CHRM2: variants seen among roughly 807,000 people sequenced by gnomAD.
CHRM2 encodes cholinergic receptor muscarinic 2.
Under a neutral mutation model 25.0 loss-of-function variants are expected in CHRM2, and 8 were observed. The observed-to-expected ratio is 0.32, with a 90% confidence interval of 0.19 to 0.58. The LOEUF (loss-of-function observed/expected upper bound fraction) is 0.58. CHRM2 is among the 20% of genes least tolerant of loss of function. The probability of loss-of-function intolerance (pLI) is 0.88; values close to 1 mark genes in which losing one functional copy is unlikely to be tolerated. For missense variants in CHRM2, 440 were observed against 567.1 expected (o/e 0.78, Z 2.28); for synonymous variants, 202 against 205.7 (o/e 0.98, Z 0.15).
At chr7:137,002,176 T>C (rs187759401) in intron 3 of CHRM2, among the ~76,000 whole-genome samples, 5 of 152,274 alleles carry the variant, frequency 3.3e-5, no homozygotes, top group African/African-American at 1.2e-4. Flanking sequence ...TTATCACAAG[T>C]TGTTTTATTT....
chr7:136,970,477 T>C (rs555211177), intron 2 of CHRM2, among the ~76,000 whole-genome samples: 21 of 152,302 alleles, frequency 1.4e-4, no homozygotes, highest in African/African-American at 5.1e-4. Context: ...ATATTTTACT[T>C]GAGTTTTCAC....
chr7:136,896,200 A>G lies in CHRM2; in HGVS notation c.-125+26782A>G, dbSNP rs202081957. ...GCTCCAGTCTCCTCATCTGAAAATG[A>G]GGGGGTAGGAGTAGATAACCTTTGA... is the stretch of plus-strand genomic sequence containing the variant. On this transcript the variant is annotated intron_variant, in intron 2 of 3. Transcript: ENST00000680005. 3.9e-5 allele frequency among the ~76,000 whole-genome samples: 6 copies of G among 152,120 alleles called. No individual in the cohort carries two copies. The East Asian group carries it at 1.2e-3, about 29-fold the overall frequency.
chr7:136,946,201 A>T (rs868589028), intron 2 of CHRM2, among the ~76,000 whole-genome samples: 7 of 152,194 alleles, frequency 4.6e-5, no homozygotes, highest in Non-Finnish European at 1.0e-4. Context: ...AAAGTATTGT[A>T]TTACCCTAAT....
chr7:136,964,549 C>A (rs1030676931), intron 2 of CHRM2, among the ~76,000 whole-genome samples: 7 of 152,158 alleles, frequency 4.6e-5, no homozygotes, highest in African/African-American at 1.4e-4. Context: ...TTGCCAAATT[C>A]TTTCTTCTTT....
intron 2 of CHRM2, among the ~76,000 whole-genome samples, chr7:136,885,748 A>G (rs1004649672): frequency 1.3e-5 from 2 of 152,216 alleles, no homozygotes; most frequent in African/African-American, 4.8e-5. Flanking sequence ...TAAATCAGAG[A>G]CATTAAAACT....
intron 2 of CHRM2, among the ~76,000 whole-genome samples, chr7:136,932,239 T>A (rs942091040): frequency 6.6e-6 from 1 of 152,136 alleles, no homozygotes; most frequent in Non-Finnish European, 1.5e-5. Context: ...ACACACAAAC[T>A]AATGAAACTG....
intron 2 of CHRM2, among the ~76,000 whole-genome samples, chr7:136,889,111 A>G (rs535040243): frequency 1.3e-5 from 2 of 151,514 alleles, no homozygotes; most frequent in South Asian, 2.1e-4. Flanking sequence ...TCTATCAATC[A>G]TGTAGCTCAA....
intron 2 of CHRM2, among the ~76,000 whole-genome samples, chr7:136,877,351 A>ATAT (rs1796089808): frequency 6.6e-6 from 1 of 152,062 alleles, no homozygotes; most frequent in Non-Finnish European, 1.5e-5. Context: ...TTTGCATACA[A>ATAT]TATGTCCTTG....
At position 137,018,015 on chromosome 7, in the gene CHRM2, A is replaced by C. The variant is rs1485042701; in HGVS notation, c.*1749A>C. The C allele has an allele frequency of 6.6e-6, 1 of 151,938 alleles. No homozygotes were observed. Among genetic ancestry groups the C allele is most frequent in the African/African-American group, 2.4e-5 (1 of 41,414 alleles). The allele number at this position is 151,938 out of a possible 1,614,324, so 9.4% of individuals were successfully genotyped here. A position where few individuals can be genotyped will look rare whatever the true frequency, so the allele number is the denominator to read the frequency against. Reference sequence around the variant, plus strand: ...CTCAATCAATGGAAATCAAATTATAAACGCATTTGCAAATTTCATATTTTG... The same window carrying C: ...CTCAATCAATGGAAATCAAATTATACACGCATTTGCAAATTTCATATTTTG... On this transcript the variant is annotated 3_prime_UTR_variant, in exon 4 of 4. Coordinates refer to ENST00000680005, the MANE Select transcript of CHRM2 (RefSeq NM_001006630.2).
At chr7:136,888,454 T>G (rs1264555319) in intron 2 of CHRM2, among the ~76,000 whole-genome samples, 1 of 152,140 alleles carries the variant, frequency 6.6e-6, no homozygotes, top group African/African-American at 2.4e-5. Flanking sequence ...GAGAAATATT[T>G]TAGCAGGTTT....
chr7:136,961,104 G>A (rs779622724), intron 2 of CHRM2, among the ~76,000 whole-genome samples: 2 of 151,686 alleles, frequency 1.3e-5, no homozygotes, highest in African/African-American at 2.4e-5. Context: ...CGGCCTGGAC[G>A]ACAGAGCTAG....
intron 2 of CHRM2, among the ~76,000 whole-genome samples, chr7:136,881,838 T>C (rs910241025): frequency 5.3e-5 from 8 of 152,160 alleles, no homozygotes; most frequent in African/African-American, 1.7e-4. Context: ...GGAAAAAATA[T>C]CACAGGGCTG....
chr7:136,970,986 CA>C (rs1359648489), intron 2 of CHRM2, among the ~76,000 whole-genome samples: 4 of 152,138 alleles, frequency 2.6e-5, no homozygotes, highest in Non-Finnish European at 5.9e-5. Flanking sequence ...CACAATTGAA[CA>C]AAATAAATTA....
intron 2 of CHRM2, among the ~76,000 whole-genome samples, chr7:136,964,335 C>G (rs1467298842): frequency 1.3e-5 from 2 of 152,140 alleles, no homozygotes; most frequent in East Asian, 1.9e-4. Context: ...ATGCAGATAA[C>G]TTTTACCCTC....
At chr7:136,959,524 A>T (rs1433482015) in intron 2 of CHRM2, among the ~76,000 whole-genome samples, 1 of 152,186 alleles carries the variant, frequency 6.6e-6, no homozygotes, top group Non-Finnish European at 1.5e-5. Context: ...AATGTGGAGG[A>T]TGTGCTTGAA....
chr7:136,956,256 A>G (rs1800718256), intron 2 of CHRM2, among the ~76,000 whole-genome samples: 1 of 152,186 alleles, frequency 6.6e-6, no homozygotes, highest in Non-Finnish European at 1.5e-5. Context: ...TTTATGAGAG[A>G]GCAAGAAAGA....
At chr7:136,926,675 A>G (rs1433522376) in intron 2 of CHRM2, among the ~76,000 whole-genome samples, 1 of 152,208 alleles carries the variant, frequency 6.6e-6, no homozygotes, top group Non-Finnish European at 1.5e-5. Flanking sequence ...ATTATATGGA[A>G]GAAATTAGCT....
chr7:136,908,459 T>C (rs912486460), intron 2 of CHRM2, among the ~76,000 whole-genome samples: 1 of 151,916 alleles, frequency 6.6e-6, no homozygotes, highest in Non-Finnish European at 1.5e-5. Flanking sequence ...TTGCAATACC[T>C]CTCTGTTAAT....
intron 2 of CHRM2, among the ~76,000 whole-genome samples, chr7:136,928,914 G>T (rs1798896401): frequency 6.6e-6 from 1 of 152,132 alleles, no homozygotes; most frequent in Non-Finnish European, 1.5e-5. Flanking sequence ...ATCTCACAGG[G>T]TTGCTGTGAG....
Sources: gnomAD v4.1 joint callset for allele counts (sites outside exome capture counted in the v4.1 genomes callset) on GRCh38, gnomAD v4.1.1 for gene constraint, MANE v1.5 for transcripts, NCBI Gene and HGNC (gene_info 2026-07-23, HGNC 2026-07-21) for gene names.